CERKL: variants seen among roughly 807,000 people sequenced by gnomAD.
CERKL encodes CERK like autophagy regulator.
In CERKL, 61 loss-of-function variants were observed where a neutral mutation model predicts 63.4. The ratio of observed to expected loss-of-function variants is 0.96; its 90% CI spans 0.78 to 1.19. The LOEUF (loss-of-function observed/expected upper bound fraction) is 1.19. Among genes scored for constraint, CERKL ranks in the 50% most tolerant of loss-of-function variants. The pLI is 0.00. For missense variants in CERKL, 675 were observed against 655.5 expected (o/e 1.03, Z -0.33); for synonymous variants, 250 against 230.5 (o/e 1.08, Z -0.77).
At chr2:181,548,253 GA>G in intron 8 of CERKL, 1 of 508,266 alleles carries the variant, frequency 2.0e-6, no homozygotes, top group Non-Finnish European at 3.5e-6. Context: ...GAAAAGGAAA[GA>G]AAGGGAAAAA....
At chr2:181,577,079 T>G (rs1381540960) in intron 2 of CERKL, among the ~76,000 whole-genome samples, 1 of 152,152 alleles carries the variant, frequency 6.6e-6, no homozygotes, top group African/African-American at 2.4e-5. Flanking sequence ...GTCTGCAGAT[T>G]CATATTTATA....
At chr2:181,604,248 A>G (rs1156967931) in intron 1 of CERKL, among the ~76,000 whole-genome samples, 169 bp from the exon 2 acceptor site, 1 of 152,110 alleles carries the variant, frequency 6.6e-6, no homozygotes, top group African/African-American at 2.4e-5. Context: ...TGTACAACAA[A>G]CCCCCATGAC....
chr2:181,579,331 A>G (rs1491002363), intron 2 of CERKL, among the ~76,000 whole-genome samples: 1 of 151,962 alleles, frequency 6.6e-6, no homozygotes, highest in Non-Finnish European at 1.5e-5. Flanking sequence ...ATCTTTGACA[A>G]ATGAAAAGTG....
intron 4 of CERKL, among the ~76,000 whole-genome samples, chr2:181,564,705 T>C (rs1688588810): frequency 6.6e-6 from 1 of 152,170 alleles, no homozygotes; most frequent in Admixed American, 6.6e-5. Flanking sequence ...GATATCTTTA[T>C]TCTCATTCTT....
intron 1 of CERKL, among the ~76,000 whole-genome samples, chr2:181,607,135 GCCACATAT>G (rs1236368603): frequency 6.6e-6 from 1 of 152,160 alleles, no homozygotes; most frequent in Non-Finnish European, 1.5e-5. Context: ...CAAGGCTATC[GCCACATAT>G]CCCATAGCTT....
intron 1 of CERKL, among the ~76,000 whole-genome samples, chr2:181,609,533 T>TGAAAAAAAAAAA (rs1267362169): frequency 2.8e-5 from 2 of 70,214 alleles, no homozygotes; most frequent in African/African-American, 9.5e-5. Context: ...CTGTCTCTAC[T>TGAAAAAAAAAAA]AAAAAAAAAA....
At chr2:181,618,725 T>A (rs1004772751) in intron 1 of CERKL, among the ~76,000 whole-genome samples, 4 of 152,342 alleles carry the variant, frequency 2.6e-5, no homozygotes, top group African/African-American at 7.2e-5. Context: ...TGGTTATTTT[T>A]AAATAGTAAA....
chr2:181,630,927 C>T (rs1037148054), intron 1 of CERKL, among the ~76,000 whole-genome samples: 9 of 152,124 alleles, frequency 5.9e-5, no homozygotes, highest in Admixed American at 5.9e-4. Flanking sequence ...TTTCTGTGTT[C>T]CAATATTTCC....
chr2:181,561,678 T>A lies in CERKL; in HGVS notation c.678-2970A>T, dbSNP rs189671380. Among the ~76,000 whole-genome samples the A allele has an allele frequency of 3.8e-3, 580 of 152,292 alleles. 7 individuals are homozygous for A. Among genetic ancestry groups the A allele is most frequent in the African/African-American group, 0.013 (556 of 41,580 alleles). On this transcript the variant is annotated intron_variant, in intron 4 of 12. Transcript: ENST00000410087. ...ATCCAGGAGAGATTTAACTAAGAGT[T>A]TGATACCTTTTAAGGTCTGATAAGA...
chr2:181,601,432 G>A (rs1450363770), intron 2 of CERKL, among the ~76,000 whole-genome samples: 1 of 151,976 alleles, frequency 6.6e-6, no homozygotes, highest in South Asian at 2.1e-4. Context: ...GTAGTGGCGG[G>A]TGCCTGTAAT....
At chr2:181,571,114 CTG>C (rs1688883796) in intron 3 of CERKL, among the ~76,000 whole-genome samples, 1 of 152,098 alleles carries the variant, frequency 6.6e-6, no homozygotes, top group Non-Finnish European at 1.5e-5. Flanking sequence ...AAAAATAACA[CTG>C]TAAGATAGGC....
chr2:181,608,661 CA>C (rs962533709), intron 1 of CERKL, among the ~76,000 whole-genome samples: 4 of 151,870 alleles, frequency 2.6e-5, no homozygotes, highest in African/African-American at 9.7e-5. Context: ...GAAGGATTTC[CA>C]AAAACAGGGC....
intron 10 of CERKL, among the ~76,000 whole-genome samples, chr2:181,546,379 G>A (rs192324881): frequency 2.0e-5 from 3 of 152,250 alleles, no homozygotes; most frequent in South Asian, 2.1e-4. Flanking sequence ...AGCTAGCCAC[G>A]TCTTCAAGTT....
intron 1 of CERKL, among the ~76,000 whole-genome samples, chr2:181,640,167 T>C (rs1463176029): frequency 6.6e-6 from 1 of 152,178 alleles, no homozygotes; most frequent in African/African-American, 2.4e-5. Context: ...AGTTTCCTCA[T>C]ATTCTGGTTT....
At chr2:181,582,399 C>A (rs1181764352) in intron 2 of CERKL, among the ~76,000 whole-genome samples, 1 of 151,980 alleles carries the variant, frequency 6.6e-6, no homozygotes, top group African/African-American at 2.4e-5. Flanking sequence ...AGGCCATCAG[C>A]ATATTTAATG....
At chr2:181,578,022 C>A (rs147149462) in intron 2 of CERKL, among the ~76,000 whole-genome samples, 1 of 152,258 alleles carries the variant, frequency 6.6e-6, no homozygotes, top group East Asian at 1.9e-4. Flanking sequence ...GAGAAACCCA[C>A]GCTCATGCTA....
chr2:181,609,784 G>A (rs1685885573), intron 1 of CERKL, among the ~76,000 whole-genome samples: 1 of 152,002 alleles, frequency 6.6e-6, no homozygotes, highest in Non-Finnish European at 1.5e-5. Context: ...TACAATAGAA[G>A]TATCTAGGAA....
chr2:181,586,496 C>T (rs1559090980), intron 2 of CERKL, among the ~76,000 whole-genome samples: 1 of 152,008 alleles, frequency 6.6e-6, no homozygotes, highest in Non-Finnish European at 1.5e-5. Context: ...CATAACTTGA[C>T]AACAGTGTAA....
chr2:181,563,116 G>A (rs951669905), intron 4 of CERKL, among the ~76,000 whole-genome samples: 6 of 152,026 alleles, frequency 3.9e-5, no homozygotes, highest in Admixed American at 3.9e-4. Flanking sequence ...CTATGCAGCT[G>A]ATATTCTTTT....
Sources: allele counts gnomAD v4.1 joint callset (sites outside exome capture counted in the v4.1 genomes callset), GRCh38; gene constraint gnomAD v4.1.1; transcripts MANE v1.5; gene names NCBI Gene and HGNC (gene_info 2026-07-23, HGNC 2026-07-21).